The following EIF3A variants were observed in gnomAD, a reference collection of about 807,000 sequenced individuals.
EIF3A encodes the protein eukaryotic translation initiation factor 3 subunit A.
In EIF3A, 21 loss-of-function variants were observed where a neutral mutation model predicts 186.6. That is an observed-to-expected ratio of 0.11 (90% confidence interval 0.08 to 0.16). The LOEUF is 0.16. Among genes scored for constraint, EIF3A ranks in the 10% least tolerant of loss-of-function variants. The pLI is 1.00. For synonymous variants in EIF3A, 563 were observed against 584.3 expected (o/e 0.96, Z 0.52); for missense variants, 1,306 against 1,796.3 (o/e 0.73, Z 4.93).
intron 16 of EIF3A, among the ~76,000 whole-genome samples, chr10:119,050,291 G>A (rs549453013): frequency 1.2e-3 from 188 of 152,116 alleles, no homozygotes; most frequent in Middle Eastern, 3.4e-3. Flanking sequence ...CACAGAATAC[G>A]GTGATTAAAA....
chr10:119,059,782 T>A, intron 9 of EIF3A, 64 bp from the exon 10 acceptor site: 1 of 1,035,046 alleles, frequency 9.7e-7, no homozygotes, highest in Non-Finnish European at 1.5e-6. Context: ...TTATGTGCAA[T>A]CTCATGACAG....
At chr10:119,047,530 A>G (rs1027927985) in intron 17 of EIF3A, among the ~76,000 whole-genome samples, 2 of 152,186 alleles carry the variant, frequency 1.3e-5, no homozygotes, top group African/African-American at 4.8e-5. Context: ...GGACAGACAC[A>G]TTTGCAAATG....
At chr10:119,056,334 C>T (rs764065206) in intron 14 of EIF3A, among the ~76,000 whole-genome samples, 5 of 152,210 alleles carry the variant, frequency 3.3e-5, no homozygotes, top group Admixed American at 3.3e-4. Context: ...TAGCGGTTGC[C>T]TAGGGCTGGG....
chr10:119,059,092 G>C (rs908958004), intron 11 of EIF3A, 120 bp downstream of exon 11: 5 of 795,456 alleles, frequency 6.3e-6, no homozygotes, highest in Non-Finnish European at 8.3e-6. Flanking sequence ...CAATTCTATA[G>C]GAAACATATC....
rs765014742 is a variant in EIF3A at position 119,058,192 on chromosome 10, G to A, written c.1741C>T (p.Arg581Cys). The A allele has an allele frequency of 1.1e-5, 18 of 1,613,802 alleles. No individual in the cohort carries two copies. The highest frequency in any genetic ancestry group is 1.4e-5 in the Non-Finnish European group (17 of 1,179,964). ...RRQTIEERKE[R>C]LESLNIQREK... The stretch of plus-strand genomic sequence containing the variant: ...CGCTGAATATTCAGACTCTCAAGGC[G>A]CTCTTTTCTCTCCTCAATTGTCTGG... Residue 581 changes from arginine (R) to cysteine (C), a missense_variant, in exon 12 of 22, where the codon CGC (arginine) becomes TGC (cysteine). This residue lies in a region of EIF3A where 94 missense variants were observed against 204.9 expected (regional missense o/e 0.46). Coordinates refer to ENST00000369144, the MANE Select transcript of EIF3A (RefSeq NM_003750.4).
chr10:119,068,400 C>T (rs1401606319), intron 6 of EIF3A, among the ~76,000 whole-genome samples: 6 of 152,144 alleles, frequency 3.9e-5, no homozygotes, highest in African/African-American at 4.8e-5. Flanking sequence ...CCCTGCCAGG[C>T]GTGGTGGCTC....
chr10:119,061,241 A>C lies in EIF3A; in HGVS notation c.1210T>G (p.Cys404Gly), dbSNP rs1419494565. The change falls in exon 8 of 22, where the codon TGT becomes GGT. Residue 404 changes from cysteine (C) to glycine (G), a missense_variant. Coordinates refer to ENST00000369144, the MANE Select transcript of EIF3A (RefSeq NM_003750.4). ...LEVEFNPLKL[C>G]ERVTKVLNWV... Reference sequence around the variant, plus strand: ...AGGCTTACCTTTGTGACTCGCTCACAGAGTTTTAATGGGTTAAATTCTACT... The same window carrying C: ...AGGCTTACCTTTGTGACTCGCTCACCGAGTTTTAATGGGTTAAATTCTACT... The C allele has an allele frequency of 6.4e-7, 1 of 1,573,480 alleles. No homozygotes were observed. Among genetic ancestry groups the C allele is most frequent in the Non-Finnish European group, 8.7e-7 (1 of 1,151,694 alleles).
Position 119,049,888 on chromosome 10 carries a change from T to C in EIF3A, c.2571A>G (p.Lys857=), listed in dbSNP as rs1323922984. 6.2e-7 allele frequency: 1 copy of C among 1,614,232 alleles called. No homozygotes were observed. Among genetic ancestry groups the C allele is most frequent in the Admixed American group, 1.7e-5 (1 of 60,026 alleles). The change falls in exon 17 of 22, where the codon AAA becomes AAG. Residue 857 remains lysine (K), a synonymous_variant. Transcript: ENST00000369144. ...CAATTTCCAACTCCCTTTGGCGTTT[T>C]TTCCTTTCCACTTCTTCTAATTTCT... is the stretch of plus-strand genomic sequence containing the variant. ...RVKKLEEVER[K]KRQRELEIEE...
At chr10:119,041,563 C>A (rs964090641) in intron 19 of EIF3A, among the ~76,000 whole-genome samples, 5 of 152,160 alleles carry the variant, frequency 3.3e-5, no homozygotes, top group Non-Finnish European at 5.9e-5. Flanking sequence ...CAGAGCAAGA[C>A]CCTGTCTCAA....
chr10:119,079,512 C>G (rs1481738577), intron 1 of EIF3A, among the ~76,000 whole-genome samples: 1 of 152,008 alleles, frequency 6.6e-6, no homozygotes, highest in Non-Finnish European at 1.5e-5. Context: ...CCCGAAACTT[C>G]TATTTCGGTG....
chr10:119,058,317 T>A lies in EIF3A; in HGVS notation c.1630-14A>T, dbSNP rs897612253. ...TTCTTTCTCTTGCTTCAAAAACAAA[T>A]GAATTTTTTTACATGACCAAAATTA... On this transcript the variant is annotated splice_polypyrimidine_tract_variant and intron_variant, in intron 11 of 21. Coordinates refer to ENST00000369144, the MANE Select transcript of EIF3A (RefSeq NM_003750.4). 2.6e-6 allele frequency: 4 copies of A among 1,528,480 alleles called. No individual in the cohort carries two copies. The African/African-American group carries it at 5.6e-5, about 21-fold the overall frequency. 94.7% of individuals were successfully genotyped at this position (1,528,480 alleles called of 1,614,324 possible). A position where few individuals can be genotyped will look rare whatever the true frequency, so the allele number is the denominator to read the frequency against.
intron 17 of EIF3A, among the ~76,000 whole-genome samples, chr10:119,048,588 G>C (rs1327393168): frequency 6.6e-6 from 1 of 152,114 alleles, no homozygotes; most frequent in Non-Finnish European, 1.5e-5. Flanking sequence ...AAGTTGACAG[G>C]TGCTGCTGAC....
At chr10:119,059,877 T>C (rs1564755335) in intron 9 of EIF3A, 159 bp from the exon 10 acceptor site, 2 of 667,212 alleles carry the variant, frequency 3.0e-6, no homozygotes. Flanking sequence ...CCATCGACTC[T>C]AAACTCCATG....
At position 119,051,573 on chromosome 10, in the gene EIF3A, T is replaced by C. The variant is rs138706882; in HGVS notation, c.2197-252A>G. Among the ~76,000 whole-genome samples the C allele has an allele frequency of 5.3e-5, 8 of 152,274 alleles. No homozygotes were observed. The East Asian group carries it at 1.5e-3, about 29-fold the overall frequency. On this transcript the variant is annotated intron_variant, in intron 14 of 21. Transcript: ENST00000369144. ...TTTAGCCCCATGATACCAGGAACTT[T>C]ATAAAGGAAAAATTATGATACACGG...
chr10:119,067,745 C>G (rs1333148679), intron 6 of EIF3A, among the ~76,000 whole-genome samples: 1 of 152,124 alleles, frequency 6.6e-6, no homozygotes, highest in Non-Finnish European at 1.5e-5. Context: ...CATAATTCTA[C>G]TGGATAACAA....
intron 19 of EIF3A, among the ~76,000 whole-genome samples, chr10:119,040,627 T>C (rs1848194626): frequency 6.6e-6 from 1 of 152,098 alleles, no homozygotes; most frequent in South Asian, 2.1e-4. Flanking sequence ...TCCTAGCACT[T>C]TGGGAGGCCG....
intron 20 of EIF3A, among the ~76,000 whole-genome samples, chr10:119,037,907 A>ATTTTTTTT (rs575308953): frequency 6.4e-5 from 6 of 93,148 alleles, no homozygotes; most frequent in African/African-American, 8.7e-5. Flanking sequence ...TTAAGAGGGA[A>ATTTTTTTT]TTTTTTTTTT....
chr10:119,078,444 G>C (rs544928012), intron 1 of EIF3A, among the ~76,000 whole-genome samples: 1 of 152,060 alleles, frequency 6.6e-6, no homozygotes, highest in Non-Finnish European at 1.5e-5. Context: ...AATATTGTTA[G>C]GATCACAAAT....
chr10:119,054,621 G>A (rs1264409019), intron 14 of EIF3A, among the ~76,000 whole-genome samples: 6 of 151,490 alleles, frequency 4.0e-5, no homozygotes, highest in Non-Finnish European at 7.4e-5. Flanking sequence ...TCAGCTACTC[G>A]GGAGGCTGAG....
Sources: gnomAD v4.1 joint callset for allele counts (sites outside exome capture counted in the v4.1 genomes callset) on GRCh38, gnomAD v4.1.1 for gene constraint, gnomAD v4.1.1 regional missense constraint, MANE v1.5 for transcripts, NCBI Gene and HGNC (gene_info 2026-07-23, HGNC 2026-07-21) for gene names.